Variants in SLC39A12 observed in about 807,000 individuals in gnomAD.
The protein encoded by SLC39A12 is zinc transporter ZIP12.
In SLC39A12, 63 loss-of-function variants were observed where a neutral mutation model predicts 71.1. The observed-to-expected ratio is 0.89, with a 90% confidence interval of 0.72 to 1.09. The LOEUF (loss-of-function observed/expected upper bound fraction) is 1.09, where lower values mean the gene tolerates loss of function less well. Among genes scored for constraint, SLC39A12 ranks in the 50% least tolerant of loss-of-function variants. SLC39A12 has a pLI of 0.00. For synonymous variants in SLC39A12, 351 were observed against 301.3 expected (o/e 1.16, Z -1.71); for missense variants, 892 against 812.6 (o/e 1.10, Z -1.19).
intron 12 of SLC39A12, among the ~76,000 whole-genome samples, chr10:18,010,768 A>G (rs576189150): frequency 1.3e-5 from 2 of 152,256 alleles, no homozygotes; most frequent in Admixed American, 6.5e-5. Flanking sequence ...CAAAGCAGTT[A>G]TTTTAAAAAT....
intron 7 of SLC39A12, among the ~76,000 whole-genome samples, chr10:17,990,657 A>G (rs2182582): frequency 0.31 from 46,480 of 152,060 alleles, 8,212 homozygotes; most frequent in Non-Finnish European, 0.4. Context: ...CTCCCAAAGG[A>G]ACAAGTTCTT....
In SLC39A12 at chr10:18,042,926, TTTTATC is replaced by T; in HGVS notation, c.*96_*101del. The T allele has an allele frequency of 9.0e-7, 1 of 1,110,592 alleles. No individual in the cohort carries two copies. The highest frequency in any genetic ancestry group is 3.0e-5 in the East Asian group (1 of 33,680). 68.8% of individuals were successfully genotyped at this position (1,110,592 alleles called of 1,614,324 possible). A position where few individuals can be genotyped will look rare whatever the true frequency, so the allele number is the denominator to read the frequency against. On this transcript the variant is annotated 3_prime_UTR_variant, in exon 13 of 13. Transcript: ENST00000377369. Reference sequence around the variant, plus strand: ...TATAATGATTTTTAAATTAAGAATTTTTTATCTTAGGCAAAGTGTGTCTCTTTCAAT... The same window carrying T: ...TATAATGATTTTTAAATTAAGAATTTTTAGGCAAAGTGTGTCTCTTTCAAT...
chr10:18,042,847 A>T lies in SLC39A12; in HGVS notation c.*14A>T, dbSNP rs372181952. The T allele has an allele frequency of 5.0e-6, 8 of 1,596,534 alleles. No individual in the cohort carries two copies. The African/African-American group carries it at 1.1e-4, about 22-fold the overall frequency. On this transcript the variant is annotated 3_prime_UTR_variant, in exon 13 of 13. Coordinates refer to ENST00000377369, the MANE Select transcript of SLC39A12 (RefSeq NM_001145195.2). ...ATTAAAATATAAGTGAGGATCTTCA[A>T]CATCTTTCAAAAATGCATTTATATA...
chr10:17,954,396 G>A (rs1834486112), intron 2 of SLC39A12, among the ~76,000 whole-genome samples: 1 of 152,164 alleles, frequency 6.6e-6, no homozygotes, highest in Non-Finnish European at 1.5e-5. Context: ...TGGGATTACA[G>A]GCACCCACCA....
chr10:18,042,926 T>G lies in SLC39A12; in HGVS notation c.*93T>G, dbSNP rs1375343079. The stretch of plus-strand genomic sequence containing the variant: ...TATAATGATTTTTAAATTAAGAATT[T>G]TTTATCTTAGGCAAAGTGTGTCTCT... On this transcript the variant is annotated 3_prime_UTR_variant, in exon 13 of 13. Transcript: ENST00000377369. 1 of 1,110,474 alleles carries G rather than the reference T, an allele frequency of 9.0e-7. No homozygotes were observed. The highest frequency in any genetic ancestry group is 1.6e-5 in the African/African-American group (1 of 61,216). 68.8% of individuals were successfully genotyped at this position (1,110,474 alleles called of 1,614,324 possible). A position where few individuals can be genotyped will look rare whatever the true frequency, so the allele number is the denominator to read the frequency against.
intron 4 of SLC39A12, among the ~76,000 whole-genome samples, chr10:17,976,955 T>C (rs930815652): frequency 1.3e-4 from 20 of 152,196 alleles, no homozygotes; most frequent in African/African-American, 4.3e-4. Flanking sequence ...TTGCTCTTGT[T>C]ACAAGTCTGT....
At chr10:18,034,631 A>C (rs368459097) in intron 12 of SLC39A12, among the ~76,000 whole-genome samples, 18 of 151,432 alleles carry the variant, frequency 1.2e-4, no homozygotes, top group South Asian at 8.4e-4. Flanking sequence ...TTAATTGGAG[A>C]ATTTAGTCCA....
At chr10:18,035,215 T>C (rs1433782013) in intron 12 of SLC39A12, among the ~76,000 whole-genome samples, 1 of 148,214 alleles carries the variant, frequency 6.7e-6, no homozygotes, top group Non-Finnish European at 1.5e-5. Flanking sequence ...ATTGGGGAAG[T>C]TCTCCTGGAT....
chr10:17,992,197 G>T (rs1032029226), intron 8 of SLC39A12, among the ~76,000 whole-genome samples: 1 of 151,346 alleles, frequency 6.6e-6, no homozygotes, highest in African/African-American at 2.4e-5. Flanking sequence ...AAAATAAAAT[G>T]AATTTATGGA....
chr10:17,999,955 C>T (rs1210842869), intron 10 of SLC39A12, among the ~76,000 whole-genome samples: 2 of 152,168 alleles, frequency 1.3e-5, no homozygotes, highest in African/African-American at 2.4e-5. Flanking sequence ...TTGGGAAATA[C>T]ACTCCATTTT....
chr10:17,978,635 T>C (rs988020511), intron 5 of SLC39A12, among the ~76,000 whole-genome samples: 1 of 152,218 alleles, frequency 6.6e-6, no homozygotes, highest in Non-Finnish European at 1.5e-5. Flanking sequence ...GAGACCTTAT[T>C]TGAATAAAGA....
At chr10:17,984,917 A>T (rs1835361965) in intron 6 of SLC39A12, among the ~76,000 whole-genome samples, 1 of 152,246 alleles carries the variant, frequency 6.6e-6, no homozygotes, top group African/African-American at 2.4e-5. Flanking sequence ...ACAGATGCTT[A>T]AAAGTTTTTT....
At position 17,953,535 on chromosome 10, in the gene SLC39A12, CT is replaced by C. The variant is rs1476351154; in HGVS notation, c.260del (p.Leu87ArgfsTer10). The C allele has an allele frequency of 6.2e-7, 1 of 1,613,870 alleles. No individual in the cohort carries two copies. Among genetic ancestry groups the C allele is most frequent in the African/African-American group, 1.3e-5 (1 of 74,902 alleles). The part of the protein sequence containing the change: ...RRNGMQGDCN[L>X]CFEPDALLLI... ...AAACGGAATGCAAGGAGATTGCAATCTGGTTAGTGAAATAGAATGGGGTCAG... is the reference window on the plus strand; with the variant it reads ...AAACGGAATGCAAGGAGATTGCAATCGGTTAGTGAAATAGAATGGGGTCAG... On this transcript the variant is annotated frameshift_variant and splice_region_variant, in exon 2 of 13. Coordinates refer to ENST00000377369, the MANE Select transcript of SLC39A12 (RefSeq NM_001145195.2). LOFTEE classifies it high-confidence loss of function.
At chr10:18,007,460 C>G (rs1335417171) in intron 12 of SLC39A12, among the ~76,000 whole-genome samples, 2 of 152,110 alleles carry the variant, frequency 1.3e-5, no homozygotes, top group Non-Finnish European at 2.9e-5. Flanking sequence ...GGAAAGGAGT[C>G]CTAATCCAGA....
intron 7 of SLC39A12, among the ~76,000 whole-genome samples, chr10:17,990,630 G>A: frequency 6.6e-6 from 1 of 152,168 alleles, no homozygotes; most frequent in Non-Finnish European, 1.5e-5. Context: ...TGACAATATT[G>A]TCAGTCATAC....
intron 3 of SLC39A12, among the ~76,000 whole-genome samples, chr10:17,964,630 A>T (rs957554873): frequency 1.3e-5 from 2 of 152,214 alleles, no homozygotes; most frequent in African/African-American, 4.8e-5. Flanking sequence ...TACATATTTG[A>T]AAAAGGTCCT....
intron 4 of SLC39A12, among the ~76,000 whole-genome samples, chr10:17,967,139 T>C (rs1318954368): frequency 6.6e-6 from 1 of 152,210 alleles, no homozygotes; most frequent in African/African-American, 2.4e-5. Flanking sequence ...TGCAAGTTTT[T>C]TTTTGTTGAA....
chr10:17,958,745 G>A (rs191610897), intron 2 of SLC39A12, among the ~76,000 whole-genome samples: 7 of 152,176 alleles, frequency 4.6e-5, no homozygotes, highest in African/African-American at 1.4e-4. Context: ...TGTGTTCTTT[G>A]CAGTATCCTT....
At chr10:18,041,444 T>C (rs1189670106) in intron 12 of SLC39A12, among the ~76,000 whole-genome samples, 1 of 150,136 alleles carries the variant, frequency 6.7e-6, no homozygotes, top group Non-Finnish European at 1.5e-5. Flanking sequence ...TGCAGTAAGC[T>C]GAGATCCCAC....
Sources: allele counts gnomAD v4.1 joint callset (sites outside exome capture counted in the v4.1 genomes callset), GRCh38; gene constraint gnomAD v4.1.1; transcripts MANE v1.5; gene names NCBI Gene and HGNC (gene_info 2026-07-23, HGNC 2026-07-21).